Variants in MEI4 observed in about 807,000 individuals in gnomAD.
The protein encoded by MEI4 is meiotic double-stranded break formation protein 4.
In MEI4, 27 loss-of-function variants were observed where a neutral mutation model predicts 31.4. The observed-to-expected ratio is 0.86, with a 90% CI of 0.63 to 1.19. MEI4 has a LOEUF of 1.19. Among genes scored for constraint, MEI4 ranks in the 50% most tolerant of loss-of-function variants. MEI4 has a pLI of 0.00. For missense variants in MEI4, 329 were observed against 398.9 expected (o/e 0.82, Z 1.49); for synonymous variants, 122 against 145.4 (o/e 0.84, Z 1.16).
intron 3 of MEI4, among the ~76,000 whole-genome samples, chr6:77,823,783 G>A (rs1047154037): frequency 6.6e-6 from 1 of 152,142 alleles, no homozygotes; most frequent in Non-Finnish European, 1.5e-5. Flanking sequence ...GCTTCAGAAA[G>A]TAGGAAACAC....
intron 4 of MEI4, among the ~76,000 whole-genome samples, chr6:77,875,151 C>G (rs1161506002): frequency 6.6e-6 from 1 of 152,214 alleles, no homozygotes; most frequent in Non-Finnish European, 1.5e-5. Flanking sequence ...AGGGTCCCAT[C>G]ATGGATATGT....
At chr6:77,884,561 T>G (rs1286192567) in intron 4 of MEI4, among the ~76,000 whole-genome samples, 1 of 152,194 alleles carries the variant, frequency 6.6e-6, no homozygotes, top group East Asian at 1.9e-4. Context: ...TGGTTCATTA[T>G]TTTTTCCTTT....
rs185122262 is a variant in MEI4 at position 77,866,398 on chromosome 6, C to G, written c.900+37336C>G. On this transcript the variant is annotated intron_variant, in intron 4 of 4. Coordinates refer to ENST00000684080, the MANE Select transcript of MEI4 (RefSeq NM_001322247.2). ...TCAGCAAAGTCTCAGGATACAAAAT[C>G]AATGTACAAAAGTCACAAGCATTCT... is the stretch of plus-strand genomic sequence containing the variant. Among the ~76,000 whole-genome samples, 1,287 of 152,258 alleles carry G rather than the reference C, an allele frequency of 8.5e-3. 6 individuals carry two copies. The highest frequency in any genetic ancestry group is 0.014 in the Non-Finnish European group (930 of 68,026).
chr6:77,792,504 AG>A (rs1278792004), intron 3 of MEI4, among the ~76,000 whole-genome samples: 1 of 152,162 alleles, frequency 6.6e-6, no homozygotes, highest in Non-Finnish European at 1.5e-5. Flanking sequence ...TCATTCTAAA[AG>A]GTGTGAGGTG....
intron 4 of MEI4, among the ~76,000 whole-genome samples, chr6:77,851,592 A>G (rs1770623064): frequency 1.5e-5 from 2 of 129,040 alleles, no homozygotes; most frequent in Admixed American, 9.6e-5. Context: ...ATGAGAACAC[A>G]TGGACACAGG....
chr6:77,802,240 C>G (rs1361962925), intron 3 of MEI4, among the ~76,000 whole-genome samples: 3 of 152,118 alleles, frequency 2.0e-5, no homozygotes, highest in African/African-American at 7.2e-5. Flanking sequence ...TTATTTGTCT[C>G]TTTTGATCTT....
chr6:77,688,971 A>G lies in MEI4; in HGVS notation c.-14-1687A>G, dbSNP rs1027220011. Among the ~76,000 whole-genome samples the G allele has an allele frequency of 5.9e-5, 9 of 152,216 alleles. No individual in the cohort carries two copies. In the South Asian group the frequency reaches 1.2e-3, roughly 21 times the overall value. On this transcript the variant is annotated intron_variant, in intron 1 of 4. Transcript: ENST00000684080. ...AGCTATAATTCTAATTAGTTTGTTC[A>G]TCTTGACAGTATCTAGTCCTTAGTG...
chr6:77,661,191 G>A (rs1287516153), intron 1 of MEI4, among the ~76,000 whole-genome samples: 1 of 152,166 alleles, frequency 6.6e-6, no homozygotes, highest in Non-Finnish European at 1.5e-5. Flanking sequence ...AGCTTGGTGA[G>A]GTGTGCCTTT....
chr6:77,900,283 T>A (rs1766162135), intron 4 of MEI4, among the ~76,000 whole-genome samples: 1 of 152,030 alleles, frequency 6.6e-6, no homozygotes, highest in African/African-American at 2.4e-5. Context: ...GTAGGGAGAT[T>A]CCTCAAAATA....
At chr6:77,710,882 A>G (rs1389044276) in intron 2 of MEI4, among the ~76,000 whole-genome samples, 1 of 152,184 alleles carries the variant, frequency 6.6e-6, no homozygotes, top group Non-Finnish European at 1.5e-5. Flanking sequence ...TTTTTTCTAT[A>G]GTCAACCCAA....
intron 2 of MEI4, among the ~76,000 whole-genome samples, chr6:77,750,769 A>G (rs1767749334): frequency 6.6e-6 from 1 of 152,188 alleles, no homozygotes; most frequent in African/African-American, 2.4e-5. Context: ...GACCAAGCAG[A>G]CCTAACAGAC....
chr6:77,859,543 T>C (rs1005945150), intron 4 of MEI4, among the ~76,000 whole-genome samples: 2 of 152,184 alleles, frequency 1.3e-5, no homozygotes, highest in Non-Finnish European at 2.9e-5. Flanking sequence ...TTCCTGACTT[T>C]TTAATAATCG....
chr6:77,790,076 T>TA (rs997681593), intron 3 of MEI4, among the ~76,000 whole-genome samples: 13 of 151,786 alleles, frequency 8.6e-5, no homozygotes, highest in Non-Finnish European at 1.6e-4. Flanking sequence ...TATGCAGCCA[T>TA]AAAAAATGAT....
chr6:77,705,022 GCAA>G (rs1561952133), intron 2 of MEI4, among the ~76,000 whole-genome samples: 3 of 152,174 alleles, frequency 2.0e-5, no homozygotes, highest in Non-Finnish European at 2.9e-5. Flanking sequence ...GACCCTAACA[GCAA>G]CAACAACAAT....
At chr6:77,880,046 G>C (rs1771441101) in intron 4 of MEI4, among the ~76,000 whole-genome samples, 1 of 152,176 alleles carries the variant, frequency 6.6e-6, no homozygotes, top group Non-Finnish European at 1.5e-5. Flanking sequence ...ATTACATGCA[G>C]ACAGAAATAA....
chr6:77,861,853 TA>T (rs1373403571), intron 4 of MEI4, among the ~76,000 whole-genome samples: 1 of 152,210 alleles, frequency 6.6e-6, no homozygotes, highest in Non-Finnish European at 1.5e-5. Flanking sequence ...ATAGTTCTTG[TA>T]TTGTTGTTAT....
intron 2 of MEI4, among the ~76,000 whole-genome samples, chr6:77,733,614 TGC>T (rs1242210942): frequency 6.6e-6 from 1 of 151,970 alleles, no homozygotes; most frequent in East Asian, 1.9e-4. Flanking sequence ...GGGTTTTTTG[TGC>T]CTCTATTTCC....
At chr6:77,741,261 A>G (rs962718579) in intron 2 of MEI4, among the ~76,000 whole-genome samples, 7 of 152,182 alleles carry the variant, frequency 4.6e-5, no homozygotes, top group African/African-American at 1.7e-4. Context: ...CACACAGTGA[A>G]AGGCTTTCTG....
chr6:77,707,770 A>G (rs1338896413), intron 2 of MEI4, among the ~76,000 whole-genome samples: 1 of 152,190 alleles, frequency 6.6e-6, no homozygotes, highest in Non-Finnish European at 1.5e-5. Context: ...CTGCTACTAC[A>G]GCTCCACCTG....
Sources: allele counts gnomAD v4.1 joint callset (sites outside exome capture counted in the v4.1 genomes callset), GRCh38; gene constraint gnomAD v4.1.1; transcripts MANE v1.5; gene names NCBI Gene and HGNC (gene_info 2026-07-23, HGNC 2026-07-21).